The following RIMBP2 variants were observed in gnomAD, a reference collection of about 807,000 sequenced individuals.
The protein encoded by RIMBP2 is RIMS-binding protein 2.
RIMBP2 carries 48 observed loss-of-function variants against 118.6 expected under a neutral mutation model. That is an observed-to-expected ratio of 0.40 (90% CI 0.32 to 0.51). The LOEUF (loss-of-function observed/expected upper bound fraction) is 0.51, where lower values mean the gene tolerates loss of function less well. Ranked by LOEUF, RIMBP2 falls within the 20% of genes least tolerant of loss-of-function variation. The probability of loss-of-function intolerance (pLI) is 0.41; values close to 1 mark genes in which losing one functional copy is unlikely to be tolerated. For missense variants in RIMBP2, 1,551 were observed against 1,768.3 expected, an observed-to-expected ratio of 0.88 and a Z score of 2.20; for synonymous variants, 762 against 742.9, an observed-to-expected ratio of 1.03 and a Z score of -0.42.
At position 130,475,945 on chromosome 12, in the gene RIMBP2, A is replaced by G. The variant is rs1373141790; in HGVS notation, c.102+2967T>C. Among the ~76,000 whole-genome samples the G allele has an allele frequency of 6.6e-6, 1 of 152,064 alleles. No individual in the cohort carries two copies. Among genetic ancestry groups the G allele is most frequent in the African/African-American group, 2.4e-5 (1 of 41,412 alleles). On this transcript the variant is annotated intron_variant, in intron 5 of 22. Coordinates refer to ENST00000690449, the MANE Select transcript of RIMBP2 (RefSeq NM_001393629.1). This position sits in a 1 kb window ranked among gnomAD's most constrained non-coding sequence, Gnocchi z 4.1. ...AGGGTGAGTAAAGGAATTGGGGCAC[A>G]GTGGCATCGTCTGGCTTCCGGGTCT... is the stretch of plus-strand genomic sequence containing the variant.
At chr12:130,619,662 G>A (rs562972790) in intron 2 of RIMBP2, among the ~76,000 whole-genome samples, 23 of 148,016 alleles carry the variant, frequency 1.6e-4, no homozygotes, top group South Asian at 4.3e-4. Context: ...ACGGTGTGTC[G>A]TCAAGGGGAC....
In RIMBP2 at chr12:130,397,806, G is replaced by A. The variant is rs142758468; in HGVS notation, c.3901-257C>T. On this transcript the variant is annotated intron_variant, in intron 22 of 22. Transcript: ENST00000690449. Reference sequence around the variant, plus strand: ...GTGGCCGTTGCTTTGGCAAAGCTAAGGCAGGTAATAATTCACTTCATAAAT... The same window carrying A: ...GTGGCCGTTGCTTTGGCAAAGCTAAAGCAGGTAATAATTCACTTCATAAAT... 9.6e-4 allele frequency: 288 copies of A among 299,640 alleles called. 1 individual carries two copies. Among genetic ancestry groups the A allele is most frequent in the African/African-American group, 5.4e-3 (254 of 46,670 alleles). 18.6% of individuals were successfully genotyped at this position (299,640 alleles called of 1,614,324 possible).
chr12:130,667,599 C>T (rs1167863942), intron 1 of RIMBP2: 1 of 152,238 alleles, frequency 6.6e-6, no homozygotes, highest in Non-Finnish European at 1.5e-5. Flanking sequence ...AGCCAGGACC[C>T]CTGGTGAGGG....
intron 1 of RIMBP2, among the ~76,000 whole-genome samples, chr12:130,689,532 A>G (rs2065220497): frequency 6.6e-6 from 1 of 152,214 alleles, no homozygotes; most frequent in African/African-American, 2.4e-5. Flanking sequence ...AGGATGATCC[A>G]GGATCAGTAG....
At chr12:130,603,610 G>A (rs891498932) in intron 2 of RIMBP2, among the ~76,000 whole-genome samples, 1 of 152,194 alleles carries the variant, frequency 6.6e-6, no homozygotes, top group African/African-American at 2.4e-5. Context: ...TACACTTGCA[G>A]TCACGAGCTG....
rs776073811 is a variant in RIMBP2, at chr12:130,438,381, T to A, written c.1640A>T (p.Tyr547Phe). 21 of 1,339,364 alleles carry A rather than the reference T, an allele frequency of 1.6e-5. No individual in the cohort carries two copies. Among genetic ancestry groups the A allele is most frequent in the Non-Finnish European group, 2.1e-5 (21 of 997,046 alleles). The allele number at this position is 1,339,364 out of a possible 1,614,324, so 83.0% of individuals were successfully genotyped here. ...NGANVTGYGV[Y>F]AKGQRVAEVI... ...AAAACTCACCCTCTGCCCTTTGGCA[T>A]ACACGCCGTAGCCGGTAACGTTTGC... The change falls in exon 12 of 23, where the codon TAT becomes TTT. Residue 547 changes from tyrosine (Y) to phenylalanine (F), a missense_variant. Tyr to Phe is a conservative substitution (Grantham distance 22). This residue lies in a region of RIMBP2 where 1,038 missense variants were observed against 1,125.1 expected (regional missense o/e 0.92). Coordinates refer to ENST00000690449, the MANE Select transcript of RIMBP2 (RefSeq NM_001393629.1).
intron 13 of RIMBP2, among the ~76,000 whole-genome samples, chr12:130,435,471 G>T (rs11613131): frequency 0.13 from 19,772 of 152,200 alleles, 1,449 homozygotes; most frequent in East Asian, 0.23. Context: ...GGACTTGGAA[G>T]TATTTGCTTT....
rs995631718 is a variant in RIMBP2 at position 130,511,315 on chromosome 12, C to T, written c.-126-4545G>A. Among the ~76,000 whole-genome samples, 19 of 152,182 alleles carry T rather than the reference C, an allele frequency of 1.2e-4. No homozygotes were observed. Among genetic ancestry groups the T allele is most frequent in the African/African-American group, 3.4e-4 (14 of 41,432 alleles). ...ACTTTAGGACTGAAGACCTCCAGAG[C>T]GGTGAGACACGGTGGTGTGTGTGCT... On this transcript the variant is annotated intron_variant, in intron 3 of 22. Coordinates refer to ENST00000690449, the MANE Select transcript of RIMBP2 (RefSeq NM_001393629.1). This position sits in a 1 kb window ranked among gnomAD's most constrained non-coding sequence, Gnocchi z 4.3.
rs78658618 is a variant in RIMBP2 at position 130,506,084 on chromosome 12, T to A, written c.-4+564A>T. ...AATGTTTTCCAGAATGATAATCCAA[T>A]CAAATTTTAACACTTGGTGAAAAAA... On this transcript the variant is annotated intron_variant, in intron 4 of 22. Transcript: ENST00000690449. 5.4e-3 allele frequency among the ~76,000 whole-genome samples: 819 copies of A among 151,998 alleles called. 12 individuals are homozygous for A. Among genetic ancestry groups the A allele is most frequent in the African/African-American group, 0.019 (781 of 41,428 alleles).
intron 2 of RIMBP2, among the ~76,000 whole-genome samples, chr12:130,518,353 C>G (rs1427975968): frequency 6.6e-6 from 1 of 152,260 alleles, no homozygotes; most frequent in East Asian, 1.9e-4. Context: ...GACTAAATGG[C>G]TAGACCACAA....
intron 2 of RIMBP2, among the ~76,000 whole-genome samples, chr12:130,606,895 G>A (rs1314871242): frequency 3.3e-5 from 5 of 152,122 alleles, no homozygotes; most frequent in African/African-American, 4.8e-5. Flanking sequence ...GCAGTAGCGC[G>A]ATCTCAGCTC....
chr12:130,401,516 C>T (rs1451982268), intron 21 of RIMBP2, among the ~76,000 whole-genome samples: 1 of 151,906 alleles, frequency 6.6e-6, no homozygotes, highest in Non-Finnish European at 1.5e-5. Context: ...CTGCCAGGTG[C>T]ACACTCACTG....
chr12:130,417,855 G>A (rs1194495020), intron 17 of RIMBP2, among the ~76,000 whole-genome samples: 2 of 143,854 alleles, frequency 1.4e-5, no homozygotes, highest in African/African-American at 2.6e-5. Context: ...TATATGTATG[G>A]AGAGAGAATG....
chr12:130,696,152 C>T (rs1046397874), intron 1 of RIMBP2, among the ~76,000 whole-genome samples: 9 of 152,192 alleles, frequency 5.9e-5, no homozygotes, highest in African/African-American at 2.2e-4. Context: ...TCCCAGCCAG[C>T]AGGCTGACGT....
At chr12:130,612,747 C>T (rs997542891) in intron 2 of RIMBP2, among the ~76,000 whole-genome samples, 7 of 152,216 alleles carry the variant, frequency 4.6e-5, no homozygotes, top group Non-Finnish European at 4.4e-5. Context: ...GTGTGGACAT[C>T]ACCGCAGGCC....
At chr12:130,580,727 G>A (rs547874166) in intron 2 of RIMBP2, among the ~76,000 whole-genome samples, 4 of 152,176 alleles carry the variant, frequency 2.6e-5, no homozygotes, top group African/African-American at 9.7e-5. Context: ...ATCACTTGGG[G>A]TCAGAAGTTT....
intron 2 of RIMBP2, among the ~76,000 whole-genome samples, chr12:130,572,782 G>A (rs78510933): frequency 0.034 from 5,219 of 152,152 alleles, 284 homozygotes; most frequent in African/African-American, 0.12. Context: ...CACAGCCAGC[G>A]CGTGTGCAGC....
rs1482443944 is a variant in RIMBP2 at position 130,464,345 on chromosome 12, T to A, written c.153+6348A>T. The stretch of plus-strand genomic sequence containing the variant: ...TGGAAACAAATTGTCCCATGTGCTG[T>A]CTTTATGTGATTTCATTGATCACTG... On this transcript the variant is annotated intron_variant, in intron 6 of 22. Transcript: ENST00000690449. Among the ~76,000 whole-genome samples, 5 of 152,204 alleles carry A rather than the reference T, an allele frequency of 3.3e-5. No individual in the cohort carries two copies. In the East Asian group the frequency reaches 9.6e-4, roughly 29 times the overall value.
intron 1 of RIMBP2, among the ~76,000 whole-genome samples, chr12:130,679,774 T>G (rs1193629565): frequency 3.3e-5 from 5 of 152,248 alleles, no homozygotes; most frequent in Admixed American, 6.5e-5. Flanking sequence ...CAAGCCAAAC[T>G]TCTCTCAAAC....
Sources: allele counts gnomAD v4.1 joint callset (sites outside exome capture counted in the v4.1 genomes callset), GRCh38; gene constraint gnomAD v4.1.1; regional missense constraint gnomAD v4.1.1; non-coding constraint Gnocchi (gnomAD v3.1); transcripts MANE v1.5; gene names NCBI Gene and HGNC (gene_info 2026-07-23, HGNC 2026-07-21).